TBC1D12: variants seen among roughly 807,000 people sequenced by gnomAD.
TBC1D12 encodes TBC1 domain family member 12.
TBC1D12 carries 56 observed loss-of-function variants against 86.7 expected under a neutral mutation model. The ratio of observed to expected loss-of-function variants is 0.65; its 90% CI spans 0.52 to 0.81. The LOEUF is 0.81. Among genes scored for constraint, TBC1D12 ranks in the 30% least tolerant of loss-of-function variants. TBC1D12 has a pLI of 0.00. For missense variants in TBC1D12, 1,023 were observed against 1,038.8 expected, an observed-to-expected ratio of 0.98 and a Z score of 0.21; for synonymous variants, 421 against 411.7, an observed-to-expected ratio of 1.02 and a Z score of -0.27.
At position 94,474,526 on chromosome 10, in the gene TBC1D12, T is replaced by G. The variant is rs546079695; in HGVS notation, c.1096-142T>G. 3,596 of 628,946 alleles carry G rather than the reference T, an allele frequency of 5.7e-3. 18 individuals are homozygous for G. Among genetic ancestry groups the G allele is most frequent in the Non-Finnish European group, 7.7e-3 (2,971 of 388,176 alleles). 39.0% of individuals were successfully genotyped at this position (628,946 alleles called of 1,614,324 possible). On this transcript the variant is annotated intron_variant, in intron 2 of 12. Transcript: ENST00000225235. ...CTCCAAAAAAAAAACTTTTATTTTT[T>G]GTCTGCTTGATATTTTTACCAAATT...
intron 3 of TBC1D12, among the ~76,000 whole-genome samples, chr10:94,481,035 T>C (rs932412052): frequency 4.0e-5 from 6 of 150,218 alleles, no homozygotes; most frequent in African/African-American, 1.5e-4. Context: ...AGTGTTGCTT[T>C]GAAAGGAATC....
At chr10:94,468,424 T>C (rs749461420) in intron 2 of TBC1D12, among the ~76,000 whole-genome samples, 8 of 152,210 alleles carry the variant, frequency 5.3e-5, no homozygotes, top group Admixed American at 2.6e-4. Context: ...TTGCTTTCAC[T>C]TATGAAAGAT....
intron 2 of TBC1D12, among the ~76,000 whole-genome samples, chr10:94,453,667 G>T (rs2055585390): frequency 6.6e-6 from 1 of 152,066 alleles, no homozygotes; most frequent in South Asian, 2.1e-4. Flanking sequence ...CATGCCTTTA[G>T]TGTTGATCTA....
chr10:94,453,042 A>G (rs990863416), intron 2 of TBC1D12, among the ~76,000 whole-genome samples: 2 of 152,214 alleles, frequency 1.3e-5, no homozygotes, highest in Non-Finnish European at 2.9e-5. Flanking sequence ...GATGTTGAAC[A>G]TCTCTTCACA....
At chr10:94,478,426 A>G (rs567622861) in intron 3 of TBC1D12, among the ~76,000 whole-genome samples, 59 of 152,092 alleles carry the variant, frequency 3.9e-4, no homozygotes, top group African/African-American at 1.4e-3. Flanking sequence ...CTGGAAATGT[A>G]GGCCAGGCGT....
intron 1 of TBC1D12, among the ~76,000 whole-genome samples, chr10:94,428,249 A>G (rs2055172109): frequency 6.8e-6 from 1 of 146,648 alleles, no homozygotes; most frequent in African/African-American, 2.5e-5. Context: ...GGAGAATTTG[A>G]TGAAAGCTGG....
intron 3 of TBC1D12, among the ~76,000 whole-genome samples, chr10:94,481,546 T>C (rs2056078361): frequency 6.6e-6 from 1 of 152,232 alleles, no homozygotes; most frequent in Non-Finnish European, 1.5e-5. Context: ...TCTTCACTTC[T>C]CACCCTTCAT....
intron 1 of TBC1D12, among the ~76,000 whole-genome samples, chr10:94,421,643 T>C (rs944386523): frequency 7.2e-5 from 11 of 152,196 alleles, no homozygotes; most frequent in African/African-American, 2.4e-4. Context: ...GCATTTTACA[T>C]TCCCACTAGC....
At chr10:94,505,572 C>CA (rs1028717113) in intron 6 of TBC1D12, among the ~76,000 whole-genome samples, 27 of 151,474 alleles carry the variant, frequency 1.8e-4, no homozygotes, top group African/African-American at 6.3e-4. Context: ...GACCCTGTCT[C>CA]AAAAAATAAG....
chr10:94,507,068 C>T (rs1019792507), intron 6 of TBC1D12, among the ~76,000 whole-genome samples, 199 bp from the exon 7 acceptor site: 6 of 152,126 alleles, frequency 3.9e-5, no homozygotes, highest in African/African-American at 1.4e-4. Flanking sequence ...GATGATTACT[C>T]TGCAGTAATT....
At chr10:94,464,878 CA>C in intron 2 of TBC1D12, among the ~76,000 whole-genome samples, 1 of 152,192 alleles carries the variant, frequency 6.6e-6, no homozygotes, top group South Asian at 2.1e-4. Flanking sequence ...TACATTTTTG[CA>C]GATCTCTTTA....
At chr10:94,489,815 A>G (rs2056222112) in intron 3 of TBC1D12, among the ~76,000 whole-genome samples, 1 of 152,052 alleles carries the variant, frequency 6.6e-6, no homozygotes, top group Non-Finnish European at 1.5e-5. Flanking sequence ...TAAGACACAC[A>G]TGTTTGCCTT....
chr10:94,448,150 A>G (rs1307460264), intron 2 of TBC1D12, among the ~76,000 whole-genome samples: 1 of 152,144 alleles, frequency 6.6e-6, no homozygotes, highest in African/African-American at 2.4e-5. Context: ...CAAATTGTCT[A>G]AAAGTAGAAT....
chr10:94,531,357 T>C lies in TBC1D12; in HGVS notation c.2156T>C (p.Ile719Thr), dbSNP rs1237032544. The change falls in exon 12 of 13, where the codon ATA (isoleucine) becomes ACA (threonine). Residue 719 changes from isoleucine to threonine, a missense_variant. By Grantham distance (89) the Ile-to-Thr change is moderately conservative (BLOSUM62 -1). This residue lies in a region of TBC1D12 where 395 missense variants were observed against 507.7 expected (regional missense o/e 0.78). Transcript: ENST00000225235. The stretch of plus-strand genomic sequence containing the variant: ...CTCCTGCAGATGGACTTTATTCATA[T>C]AGCACAGTTTCTAACTAAATTGCCA... ...DILLQMDFIH[I>T]AQFLTKLPED... The C allele has an allele frequency of 1.2e-6, 2 of 1,614,182 alleles. No homozygotes were observed. Among genetic ancestry groups the C allele is most frequent in the Admixed American group, 3.3e-5 (2 of 60,028 alleles).
chr10:94,408,369 G>A (rs2134046261), intron 1 of TBC1D12, among the ~76,000 whole-genome samples: 1 of 152,186 alleles, frequency 6.6e-6, no homozygotes, highest in Non-Finnish European at 1.5e-5. Flanking sequence ...AAATATTGTG[G>A]CAAAAGCTAT....
At chr10:94,531,494 G>A (rs762071939) in intron 12 of TBC1D12, 34 bp downstream of exon 12, 2 of 1,544,652 alleles carry the variant, frequency 1.3e-6, no homozygotes, top group Non-Finnish European at 1.7e-6. Flanking sequence ...TAATAGATGT[G>A]TTAAAGCAGT....
intron 11 of TBC1D12, among the ~76,000 whole-genome samples, chr10:94,523,141 C>T (rs1003061309): frequency 4.6e-5 from 6 of 130,068 alleles, no homozygotes; most frequent in Non-Finnish European, 9.3e-5. Context: ...TGCAGTGAAC[C>T]GAGATCACAC....
chr10:94,515,814 A>G (rs1198325175), intron 9 of TBC1D12, among the ~76,000 whole-genome samples: 4 of 152,228 alleles, frequency 2.6e-5, no homozygotes, highest in Non-Finnish European at 4.4e-5. Context: ...ACACTATTCT[A>G]ACAATTTAGG....
intron 1 of TBC1D12, among the ~76,000 whole-genome samples, chr10:94,410,272 C>T (rs1048153973): frequency 9.2e-5 from 14 of 152,194 alleles, no homozygotes; most frequent in African/African-American, 3.1e-4. Context: ...AAGCTTTTCA[C>T]TGCACACTAT....
Sources: allele counts gnomAD v4.1 joint callset (sites outside exome capture counted in the v4.1 genomes callset), GRCh38; gene constraint gnomAD v4.1.1; regional missense constraint gnomAD v4.1.1; transcripts MANE v1.5; gene names NCBI Gene and HGNC (gene_info 2026-07-23, HGNC 2026-07-21).